WDR12: variants seen among roughly 807,000 people sequenced by gnomAD.
WDR12 encodes the protein WD repeat domain 12.
WDR12 carries 42 observed loss-of-function variants against 64.3 expected under a neutral mutation model. The ratio of observed to expected loss-of-function variants is 0.65; its 90% CI spans 0.51 to 0.84. The LOEUF (loss-of-function observed/expected upper bound fraction) is 0.84. Among genes scored for constraint, WDR12 ranks in the 40% least tolerant of loss-of-function variants. The pLI is 0.00. For missense variants in WDR12, 469 were observed against 494.6 expected, an observed-to-expected ratio of 0.95 and a Z score of 0.49; for synonymous variants, 158 against 173.3, an observed-to-expected ratio of 0.91 and a Z score of 0.70.
intron 2 of WDR12, among the ~76,000 whole-genome samples, chr2:202,904,138 CAAAAAAAAAAAAAAAAA>C (rs34378996): frequency 5.2e-5 from 2 of 38,534 alleles, no homozygotes; most frequent in Admixed American, 3.7e-4. Context: ...AACTCTGTCT[CAAAAAAAAAAAAAAAAA>C]AAAAAAAAAG....
chr2:202,907,827 T>C (rs1228874083), intron 2 of WDR12, 38 bp downstream of exon 2: 4 of 1,504,600 alleles, frequency 2.7e-6, no homozygotes, highest in South Asian at 2.3e-5. Flanking sequence ...TTAGAATAAT[T>C]AGGGACACTG....
In WDR12 at chr2:202,878,905, A is replaced by T. The variant is rs530536157; in HGVS notation, c.*1955T>A. On this transcript the variant is annotated 3_prime_UTR_variant, in exon 13 of 13. Coordinates refer to ENST00000261015, the MANE Select transcript of WDR12 (RefSeq NM_018256.4). Reference sequence around the variant, plus strand: ...ATTTTTATATAACACATGCATAAAGATAAATGCTAATGATATCATAAAATC... The same window carrying T: ...ATTTTTATATAACACATGCATAAAGTTAAATGCTAATGATATCATAAAATC... 1 of 152,272 alleles carries T rather than the reference A, an allele frequency of 6.6e-6. No homozygotes were observed. Among genetic ancestry groups the T allele is most frequent in the South Asian group, 2.1e-4 (1 of 4,834 alleles). 9.4% of individuals were successfully genotyped at this position (152,272 alleles called of 1,614,324 possible).
chr2:202,885,977 A>G (rs944774820), intron 8 of WDR12, among the ~76,000 whole-genome samples: 25 of 152,158 alleles, frequency 1.6e-4, no homozygotes, highest in Non-Finnish European at 5.9e-5. Flanking sequence ...GGATCACTTG[A>G]GCCCAGCAGT....
intron 2 of WDR12, among the ~76,000 whole-genome samples, chr2:202,902,106 A>G (rs2105910665): frequency 6.6e-6 from 1 of 152,380 alleles, no homozygotes. Context: ...ATATGGTAAC[A>G]GTCTATACAG....
In WDR12 at chr2:202,884,507, A is replaced by G. The variant is rs980802928; in HGVS notation, c.770T>C (p.Met257Thr). Residue 257 changes from methionine to threonine, a missense_variant, in exon 9 of 13, where the codon ATG becomes ACG. Physicochemically the swap from Met to Thr is moderately conservative, Grantham distance 81. Transcript: ENST00000261015. ...RTPIVTLSGHMEAVSSVLWSD... is the reference protein window; with the variant it reads ...RTPIVTLSGHTEAVSSVLWSD... ...CCACAGAACTGAGGAAACTGCCTCC[A>G]TGTGGCCAGAGAGGGTCACTATGGG... The G allele has an allele frequency of 3.1e-6, 5 of 1,614,076 alleles. No individual in the cohort carries two copies. The South Asian group carries it at 5.5e-5, about 18-fold the overall frequency.
intron 12 of WDR12, among the ~76,000 whole-genome samples, chr2:202,881,992 G>A (rs1687958604): frequency 6.6e-6 from 1 of 152,100 alleles, no homozygotes; most frequent in Non-Finnish European, 1.5e-5. Context: ...CTAGAGTGCA[G>A]TGGCGCGATC....
intron 2 of WDR12, among the ~76,000 whole-genome samples, chr2:202,903,468 G>C (rs1052250908): frequency 3.0e-5 from 3 of 100,722 alleles, no homozygotes; most frequent in Non-Finnish European, 6.5e-5. Context: ...AGGAAGGAAG[G>C]AAGGAAGGAA....
At chr2:202,905,194 G>A (rs1688431462) in intron 2 of WDR12, among the ~76,000 whole-genome samples, 1 of 152,304 alleles carries the variant, frequency 6.6e-6, no homozygotes, top group Non-Finnish European at 1.5e-5. Flanking sequence ...CACCCAGGTT[G>A]GAGTGCAGTG....
chr2:202,897,156 G>A, intron 5 of WDR12, 144 bp downstream of exon 5: 1 of 513,738 alleles, frequency 1.9e-6, no homozygotes, highest in Non-Finnish European at 3.5e-6. Flanking sequence ...TTTTCTTCTT[G>A]AACACTGTAT....
chr2:202,903,833 C>T (rs1407333286), intron 2 of WDR12, among the ~76,000 whole-genome samples: 1 of 151,948 alleles, frequency 6.6e-6, no homozygotes, highest in Non-Finnish European at 1.5e-5. Context: ...AACTATAAAA[C>T]ATCGATGAAA....
chr2:202,910,028 A>C (rs1688538029), intron 1 of WDR12, among the ~76,000 whole-genome samples: 1 of 152,066 alleles, frequency 6.6e-6, no homozygotes, highest in South Asian at 2.1e-4. Context: ...AACTCCTGAG[A>C]TAAGCGATTT....
chr2:202,883,521 C>T (rs1048497108), intron 11 of WDR12, 88 bp downstream of exon 11: 8 of 1,399,336 alleles, frequency 5.7e-6, no homozygotes, highest in African/African-American at 2.9e-5. Flanking sequence ...TTTTACTCTT[C>T]TGGTTTTAGA....
At chr2:202,885,651 A>C (rs1036764296) in intron 8 of WDR12, among the ~76,000 whole-genome samples, 1 of 152,230 alleles carries the variant, frequency 6.6e-6, no homozygotes, top group Non-Finnish European at 1.5e-5. Flanking sequence ...ATCTTTAAAT[A>C]ATGTACACAG....
At chr2:202,887,062 T>C (rs1688060587) in intron 8 of WDR12, among the ~76,000 whole-genome samples, 1 of 152,148 alleles carries the variant, frequency 6.6e-6, no homozygotes. Flanking sequence ...GCTTCACTCA[T>C]CGCCCAGGCT....
At position 202,876,356 on chromosome 2, in the gene WDR12, T is replaced by C. The variant is rs928422608; in HGVS notation, c.*4504A>G. On this transcript the variant is annotated 3_prime_UTR_variant, in exon 13 of 13. Coordinates refer to ENST00000261015, the MANE Select transcript of WDR12 (RefSeq NM_018256.4). The stretch of plus-strand genomic sequence containing the variant: ...GATGGCAGAGCTAGACTATGTCTCG[T>C]AAAAAGAGATATATTTGGTTCATAT... 6.6e-6 allele frequency: 1 copy of C among 152,196 alleles called. No homozygotes were observed. Among genetic ancestry groups the C allele is most frequent in the African/African-American group, 2.4e-5 (1 of 41,458 alleles). The allele number at this position is 152,196 out of a possible 1,614,324, so 9.4% of individuals were successfully genotyped here.
At chr2:202,903,553 G>C (rs1029905508) in intron 2 of WDR12, among the ~76,000 whole-genome samples, 3 of 151,900 alleles carry the variant, frequency 2.0e-5, no homozygotes, top group Admixed American at 6.6e-5. Flanking sequence ...TGGAGAGGAA[G>C]ATGTCACATT....
intron 8 of WDR12, among the ~76,000 whole-genome samples, chr2:202,885,933 T>C (rs1370273568): frequency 6.6e-6 from 1 of 152,028 alleles, no homozygotes; most frequent in African/African-American, 2.4e-5. Context: ...GACACATGAC[T>C]ATAGTCATAT....
intron 5 of WDR12, 68 bp downstream of exon 5, chr2:202,897,232 G>A (rs1034852944): frequency 2.8e-6 from 3 of 1,088,116 alleles, no homozygotes; most frequent in Non-Finnish European, 4.1e-6. Flanking sequence ...TTCTTCCCCA[G>A]CACCAAAAAT....
chr2:202,904,399 A>G (rs960357728), intron 2 of WDR12, among the ~76,000 whole-genome samples: 5 of 152,158 alleles, frequency 3.3e-5, no homozygotes, highest in African/African-American at 1.2e-4. Context: ...CCTTAAGCAA[A>G]AAGAACAAAC....
Sources: allele counts gnomAD v4.1 joint callset (sites outside exome capture counted in the v4.1 genomes callset), GRCh38; gene constraint gnomAD v4.1.1; transcripts MANE v1.5; gene names NCBI Gene and HGNC (gene_info 2026-07-23, HGNC 2026-07-21).